Variants in B3GNT2 observed in about 807,000 individuals in gnomAD.
The protein encoded by B3GNT2 is UDP-GlcNAc:betaGal beta-1,3-N-acetylglucosaminyltransferase 2, also known as N-acetyllactosaminide beta-1,3-N-acetylglucosaminyltransferase 2.
A neutral mutation model predicts 27.6 loss-of-function variants in B3GNT2; 12 were observed. The observed-to-expected ratio is 0.44, with a 90% CI of 0.28 to 0.71. B3GNT2 has a LOEUF of 0.71. Ranked by LOEUF, B3GNT2 falls within the 30% of genes least tolerant of loss-of-function variation. The probability of loss-of-function intolerance (pLI) is 0.17; values close to 1 mark genes in which losing one functional copy is unlikely to be tolerated. For missense variants in B3GNT2, 413 were observed against 488.5 expected, an observed-to-expected ratio of 0.85 and a Z score of 1.46; for synonymous variants, 192 against 189.7, an observed-to-expected ratio of 1.01 and a Z score of -0.10.
chr2:62,204,080 G>A (rs948521185), intron 1 of B3GNT2, among the ~76,000 whole-genome samples: 19 of 152,274 alleles, frequency 1.2e-4, no homozygotes, highest in African/African-American at 3.9e-4. Context: ...AGGCCGGAGC[G>A]CAATGGCATG....
intron 1 of B3GNT2, among the ~76,000 whole-genome samples, chr2:62,199,151 G>C (rs1001322093): frequency 5.3e-5 from 8 of 152,176 alleles, no homozygotes; most frequent in Admixed American, 4.6e-4. Context: ...GTGTTGGCCA[G>C]GCTGGTCTCG....
chr2:62,201,468 G>A (rs974701864), intron 1 of B3GNT2, among the ~76,000 whole-genome samples: 1 of 152,228 alleles, frequency 6.6e-6, no homozygotes, highest in African/African-American at 2.4e-5. Flanking sequence ...TTATTTCAGA[G>A]GTGAAAGCAC....
intron 1 of B3GNT2, among the ~76,000 whole-genome samples, chr2:62,210,883 G>A (rs1000617239): frequency 1.3e-5 from 2 of 152,168 alleles, no homozygotes; most frequent in African/African-American, 4.8e-5. Flanking sequence ...TTTGGTGGGA[G>A]GTTAAGGGTG....
At chr2:62,199,863 T>A (rs1455780630) in intron 1 of B3GNT2, among the ~76,000 whole-genome samples, 1 of 152,208 alleles carries the variant, frequency 6.6e-6, no homozygotes, top group Non-Finnish European at 1.5e-5. Flanking sequence ...GGAGAGGCAA[T>A]TACTGTTTGA....
chr2:62,197,107 C>CGGGGT (rs1674164102), intron 1 of B3GNT2, among the ~76,000 whole-genome samples: 1 of 119,132 alleles, frequency 8.4e-6, no homozygotes, highest in African/African-American at 3.1e-5. Flanking sequence ...TGGGGTGGGG[C>CGGGGT]GGGGTGGGGT....
intron 1 of B3GNT2, among the ~76,000 whole-genome samples, chr2:62,197,092 GGGGGTGGGGTGGGGC>G (rs914559578): frequency 1.6e-4 from 24 of 152,230 alleles, no homozygotes; most frequent in East Asian, 3.9e-4. Flanking sequence ...CCCGAGTCGT[GGGGGTGGGGTGGGGC>G]GGGGTGGGGT....
rs114608754 is a variant in B3GNT2 at position 62,210,845 on chromosome 2, G to A, written c.-9-11367G>A. Among the ~76,000 whole-genome samples, 461 of 152,236 alleles carry A rather than the reference G, an allele frequency of 3.0e-3. 1 individual carries two copies. Among genetic ancestry groups the A allele is most frequent in the African/African-American group, 0.011 (448 of 41,538 alleles). The stretch of plus-strand genomic sequence containing the variant: ...GACTTCATGCTCTTGGGTATACAAC[G>A]AGAGGATAAATCAGTGTGACCTTTC... On this transcript the variant is annotated intron_variant, in intron 1 of 1. Coordinates refer to ENST00000301998, the MANE Select transcript of B3GNT2 (RefSeq NM_006577.6).
chr2:62,198,438 G>A (rs1437750008), intron 1 of B3GNT2, among the ~76,000 whole-genome samples: 1 of 152,218 alleles, frequency 6.6e-6, no homozygotes, highest in African/African-American at 2.4e-5. Context: ...AATCAATAGA[G>A]AAGTTCCTCC....
At chr2:62,206,573 T>G (rs964548875) in intron 1 of B3GNT2, among the ~76,000 whole-genome samples, 10 of 152,228 alleles carry the variant, frequency 6.6e-5, no homozygotes, top group Non-Finnish European at 1.5e-4. Context: ...TTTTTATATG[T>G]TTTTTATTCT....
Position 62,222,780 on chromosome 2 carries a change from C to A in B3GNT2, c.560C>A (p.Pro187Gln), listed in dbSNP as rs755325938. The A allele has an allele frequency of 6.2e-7, 1 of 1,614,212 alleles. No individual in the cohort carries two copies. The highest frequency in any genetic ancestry group is 1.1e-5 in the South Asian group (1 of 91,080). Residue 187 changes from proline (P) to glutamine (Q), a missense_variant, in exon 2 of 2, where the codon CCA (proline) becomes CAA (glutamine). Pro to Gln is a moderately conservative substitution (Grantham distance 76). Transcript: ENST00000301998. The surrounding 1 kb of genome is among the most constrained non-coding windows in gnomAD (Gnocchi z 4.2). ...VRVFLLGQTP[P>Q]EDNHPDLSDM... ...GTCTTCCTGCTGGGCCAGACACCCC[C>A]AGAGGACAACCACCCCGACCTTTCA... is the stretch of plus-strand genomic sequence containing the variant.
rs766021796 is a variant in B3GNT2 at position 62,206,399 on chromosome 2, G to A, written c.-10+10044G>A. ...ACCACTTGACTGTGTATCCAATTGC[G>A]CCCATGGCATATGGACAAGCCCTCA... On this transcript the variant is annotated intron_variant, in intron 1 of 1. Coordinates refer to ENST00000301998, the MANE Select transcript of B3GNT2 (RefSeq NM_006577.6). Among the ~76,000 whole-genome samples, 9 of 152,276 alleles carry A rather than the reference G, an allele frequency of 5.9e-5. No individual in the cohort carries two copies. The South Asian group carries it at 6.2e-4, about 11-fold the overall frequency.
At position 62,224,618 on chromosome 2, in the gene B3GNT2, G is replaced by A; in HGVS notation, c.*1204G>A. 6.0e-6 allele frequency: 1 copy of A among 167,118 alleles called. No homozygotes were observed. 10.4% of individuals were successfully genotyped at this position (167,118 alleles called of 1,614,324 possible). A position where few individuals can be genotyped will look rare whatever the true frequency, so the allele number is the denominator to read the frequency against. ...AATTCTGCCAAACTATTACTTATAT[G>A]TACTATTGTGTAACATACTTTCTTG... On this transcript the variant is annotated 3_prime_UTR_variant, in exon 2 of 2. Transcript: ENST00000301998.
rs979142270 is a variant in B3GNT2 at position 62,205,073 on chromosome 2, G to T, written c.-10+8718G>T. Among the ~76,000 whole-genome samples the T allele has an allele frequency of 5.3e-5, 8 of 152,306 alleles. No individual in the cohort carries two copies. The East Asian group carries it at 5.8e-4, about 11-fold the overall frequency. ...CCCCAGGGAGAGTGACAGGCAGACC[G>T]GCGAGATTGGAAGCCCGTGGCACTG... On this transcript the variant is annotated intron_variant, in intron 1 of 1. Transcript: ENST00000301998.
intron 1 of B3GNT2, among the ~76,000 whole-genome samples, chr2:62,218,153 T>TGTTTA (rs1360577764): frequency 6.6e-6 from 1 of 152,246 alleles, no homozygotes; most frequent in Non-Finnish European, 1.5e-5. Flanking sequence ...GCGATGGGAA[T>TGTTTA]GTTTAGTCAG....
intron 1 of B3GNT2, among the ~76,000 whole-genome samples, chr2:62,206,220 G>T (rs1316931725): frequency 1.3e-5 from 2 of 152,144 alleles, no homozygotes; most frequent in Non-Finnish European, 2.9e-5. Flanking sequence ...GCGAGGATGG[G>T]GATGCCCATT....
chr2:62,203,843 A>G (rs1674316825), intron 1 of B3GNT2, among the ~76,000 whole-genome samples: 1 of 152,122 alleles, frequency 6.6e-6, no homozygotes, highest in Admixed American at 6.5e-5. Flanking sequence ...GCTGACATCA[A>G]ATGTCTTTGT....
At chr2:62,197,091 T>TGGGGG (rs1372012624) in intron 1 of B3GNT2, among the ~76,000 whole-genome samples, 1 of 110,206 alleles carries the variant, frequency 9.1e-6, no homozygotes, top group African/African-American at 3.3e-5. Flanking sequence ...GCCCGAGTCG[T>TGGGGG]GGGGGTGGGG....
In B3GNT2 at chr2:62,223,370, A is replaced by G. The variant is rs1674761152; in HGVS notation, c.1150A>G (p.Ile384Val). 1.2e-6 allele frequency: 2 copies of G among 1,613,300 alleles called. No individual in the cohort carries two copies. Among genetic ancestry groups the G allele is most frequent in the Non-Finnish European group, 1.7e-6 (2 of 1,179,706 alleles). The change falls in exon 2 of 2, where the codon ATT becomes GTT. Residue 384 changes from isoleucine to valine, a missense_variant. By Grantham distance (29) the Ile-to-Val change is conservative. Transcript: ENST00000301998. The stretch of plus-strand genomic sequence containing the variant: ...ACATAGTAGAAAACCTCAAGAGATG[A>G]TTGATATTTGGTCTCAGTTGCAGAG... The part of the protein sequence containing the change: ...LVHSRKPQEM[I>V]DIWSQLQSAH...
intron 1 of B3GNT2, among the ~76,000 whole-genome samples, chr2:62,216,778 GA>G (rs113689889): frequency 1.1e-4 from 17 of 151,752 alleles, no homozygotes; most frequent in African/African-American, 3.4e-4. Context: ...TTGCATGGGA[GA>G]AAAAAAAATT....
Sources: allele counts gnomAD v4.1 joint callset (sites outside exome capture counted in the v4.1 genomes callset), GRCh38; gene constraint gnomAD v4.1.1; non-coding constraint Gnocchi (gnomAD v3.1); transcripts MANE v1.5; gene names NCBI Gene and HGNC (gene_info 2026-07-23, HGNC 2026-07-21).